The following KIAA0825 variants were observed in gnomAD, a reference collection of about 807,000 sequenced individuals.
KIAA0825 encodes the protein uncharacterized protein KIAA0825.
A neutral mutation model predicts 147.6 loss-of-function variants in KIAA0825; 119 were observed. The observed-to-expected ratio is 0.81, with a 90% CI of 0.69 to 0.94. The LOEUF (loss-of-function observed/expected upper bound fraction) is 0.94, where lower values mean the gene tolerates loss of function less well. Among genes scored for constraint, KIAA0825 ranks in the 40% least tolerant of loss-of-function variants. KIAA0825 has a pLI of 0.00. For synonymous variants in KIAA0825, 470 were observed against 518.1 expected (o/e 0.91, Z 1.26); for missense variants, 1,381 against 1,472.7 (o/e 0.94, Z 1.02).
chr5:94,304,231 G>A (rs1393788734), intron 20 of KIAA0825, among the ~76,000 whole-genome samples: 1 of 152,094 alleles, frequency 6.6e-6, no homozygotes, highest in Non-Finnish European at 1.5e-5. Flanking sequence ...CTAGTCACAT[G>A]AAACGAAGAC....
chr5:94,191,293 T>C (rs1770657694), intron 20 of KIAA0825, among the ~76,000 whole-genome samples: 1 of 152,188 alleles, frequency 6.6e-6, no homozygotes, highest in South Asian at 2.1e-4. Context: ...TACATCCTGA[T>C]GCTTTTGATT....
intron 3 of KIAA0825, among the ~76,000 whole-genome samples, chr5:94,529,244 A>ATATATATGATATATAT (rs1561267886): frequency 8.1e-6 from 1 of 123,252 alleles, no homozygotes; most frequent in African/African-American, 3.7e-5. Flanking sequence ...ATGTATATAT[A>ATATATATGATATATAT]CATATATATG....
intron 1 of KIAA0825, chr5:94,594,377 A>G: frequency 1.3e-6 from 1 of 760,462 alleles, no homozygotes; most frequent in Non-Finnish European, 2.4e-6. Context: ...AAATGTTAGC[A>G]GAGGTACTAG....
At chr5:94,295,065 G>A (rs952290965) in intron 20 of KIAA0825, among the ~76,000 whole-genome samples, 5 of 152,044 alleles carry the variant, frequency 3.3e-5, no homozygotes, top group African/African-American at 4.8e-5. Flanking sequence ...CCAATCAAAC[G>A]TAGGTTTGGT....
intron 20 of KIAA0825, among the ~76,000 whole-genome samples, chr5:94,282,572 TA>T (rs1005803785): frequency 5.3e-5 from 8 of 152,068 alleles, no homozygotes; most frequent in Non-Finnish European, 4.4e-5. Context: ...AATGATGAAC[TA>T]AAAAATTCTA....
intron 1 of KIAA0825, among the ~76,000 whole-genome samples, chr5:94,616,616 C>T (rs976481782): frequency 5.3e-5 from 8 of 152,160 alleles, no homozygotes; most frequent in African/African-American, 1.7e-4. Flanking sequence ...TTAGCTGATA[C>T]TCTGGACTCA....
At chr5:94,577,886 G>A (rs902518974) in intron 2 of KIAA0825, among the ~76,000 whole-genome samples, 4 of 152,186 alleles carry the variant, frequency 2.6e-5, no homozygotes, top group East Asian at 1.9e-4. Flanking sequence ...TTAGAAGCAT[G>A]TATATTTAAA....
At chr5:94,477,827 GA>G (rs1026909415) in intron 6 of KIAA0825, among the ~76,000 whole-genome samples, 29 of 151,602 alleles carry the variant, frequency 1.9e-4, no homozygotes, top group Non-Finnish European at 2.4e-4. Context: ...TTTTCCATGG[GA>G]AAAAAAATTT....
At chr5:94,416,247 G>A (rs979158559) in intron 15 of KIAA0825, 2 of 152,114 alleles carry the variant, frequency 1.3e-5, no homozygotes, top group Non-Finnish European at 2.9e-5. Flanking sequence ...AGTTTATAGG[G>A]ATAATGGCCA....
At chr5:94,396,965 C>T (rs1347577152) in intron 16 of KIAA0825, among the ~76,000 whole-genome samples, 1 of 152,080 alleles carries the variant, frequency 6.6e-6, no homozygotes, top group Non-Finnish European at 1.5e-5. Context: ...ATGTGACCTC[C>T]TCAGAGAGCC....
intron 17 of KIAA0825, among the ~76,000 whole-genome samples, chr5:94,395,096 A>G (rs1053912879): frequency 6.6e-6 from 1 of 152,208 alleles, no homozygotes; most frequent in Non-Finnish European, 1.5e-5. Context: ...CATGAATGTT[A>G]TTTAATTTTT....
At chr5:94,169,015 C>G (rs1768335760) in intron 20 of KIAA0825, among the ~76,000 whole-genome samples, 1 of 152,040 alleles carries the variant, frequency 6.6e-6, no homozygotes, top group Admixed American at 6.5e-5. Flanking sequence ...ATTTACAAAT[C>G]TAAAGTTATC....
intron 2 of KIAA0825, among the ~76,000 whole-genome samples, chr5:94,576,279 T>C (rs985297555): frequency 2.0e-5 from 3 of 152,208 alleles, no homozygotes; most frequent in Admixed American, 2.0e-4. Flanking sequence ...GTTTGAATAT[T>C]TGTCCCCTCC....
chr5:94,426,053 T>G (rs937213988), intron 14 of KIAA0825, among the ~76,000 whole-genome samples: 1 of 150,640 alleles, frequency 6.6e-6, no homozygotes, highest in Admixed American at 6.6e-5. Context: ...ATTATTATTA[T>G]AGAGAGAAGG....
rs879334841 is a variant in KIAA0825 at position 94,322,911 on chromosome 5, C to CT, written c.3710+61456dup. The stretch of plus-strand genomic sequence containing the variant: ...AAGGACAGCAAGGGCATTCTGTGAA[C>CT]TTTTTTTTTTTTAAGTTGGTGATGT... On this transcript the variant is annotated intron_variant, in intron 20 of 20. Coordinates refer to ENST00000682413, the MANE Select transcript of KIAA0825 (RefSeq NM_001145678.3). Among the ~76,000 whole-genome samples the CT allele has an allele frequency of 7.2e-3, 1,048 of 145,116 alleles. 4 individuals are homozygous for CT. Among genetic ancestry groups the CT allele is most frequent in the Non-Finnish European group, 0.011 (705 of 65,536 alleles).
At chr5:94,565,908 C>T (rs979494064) in intron 2 of KIAA0825, among the ~76,000 whole-genome samples, 17 of 152,098 alleles carry the variant, frequency 1.1e-4, no homozygotes, top group Non-Finnish European at 1.9e-4. Context: ...GAAACTTTAT[C>T]CTTTGACCCA....
intron 20 of KIAA0825, among the ~76,000 whole-genome samples, chr5:94,173,712 G>A (rs1320666382): frequency 6.6e-6 from 1 of 152,110 alleles, no homozygotes; most frequent in Non-Finnish European, 1.5e-5. Flanking sequence ...CTCTTGATGG[G>A]GGCATGGCAA....
Position 94,254,908 on chromosome 5 carries a change from G to A in KIAA0825, c.3711-100784C>T, listed in dbSNP as rs118058377. 5.9e-5 allele frequency among the ~76,000 whole-genome samples: 9 copies of A among 152,072 alleles called. No individual in the cohort carries two copies. The East Asian group carries it at 7.7e-4, about 13-fold the overall frequency. Reference sequence around the variant, plus strand: ...ATTATGCTAGAAGACACAGCTTAGCGAAAAGGCACAGTGAGTCAAGGATTA... The same window carrying A: ...ATTATGCTAGAAGACACAGCTTAGCAAAAAGGCACAGTGAGTCAAGGATTA... On this transcript the variant is annotated intron_variant, in intron 20 of 20. Transcript: ENST00000682413.
At chr5:94,452,150 T>C (rs2150906155) in intron 13 of KIAA0825, among the ~76,000 whole-genome samples, 1 of 152,304 alleles carries the variant, frequency 6.6e-6, no homozygotes, top group East Asian at 1.9e-4. Flanking sequence ...CTCATTAATG[T>C]TGGATTTTTC....
Sources: gnomAD v4.1 joint callset for allele counts (sites outside exome capture counted in the v4.1 genomes callset) on GRCh38, gnomAD v4.1.1 for gene constraint, MANE v1.5 for transcripts, NCBI Gene and HGNC (gene_info 2026-07-23, HGNC 2026-07-21) for gene names.